MGAM2: variants seen among roughly 807,000 people sequenced by gnomAD.
MGAM2 encodes maltase-glucoamylase 2 (putative).
Under a neutral mutation model 96.1 loss-of-function variants are expected in MGAM2, and 98 were observed. That is an observed-to-expected ratio of 1.02 (90% CI 0.87 to 1.21). The LOEUF (loss-of-function observed/expected upper bound fraction) is 1.21. MGAM2 is among the 50% of genes most tolerant of loss of function. The pLI is 0.00. For synonymous variants in MGAM2, 749 were observed against 414.8 expected, an observed-to-expected ratio of 1.81 and a Z score of -9.79; for missense variants, 2,055 against 1,182.4, an observed-to-expected ratio of 1.74 and a Z score of -10.82.
chr7:142,154,742 T>C lies in MGAM2; in HGVS notation c.1820T>C (p.Ile607Thr). 1 of 703,250 alleles carries C rather than the reference T, an allele frequency of 1.4e-6. No homozygotes were observed. Among genetic ancestry groups the C allele is most frequent in the Non-Finnish European group, 2.6e-6 (1 of 385,016 alleles). 43.6% of individuals were successfully genotyped at this position (703,250 alleles called of 1,614,324 possible). A position where few individuals can be genotyped will look rare whatever the true frequency, so the allele number is the denominator to read the frequency against. Residue 607 changes from isoleucine to threonine, a missense_variant, in exon 17 of 48, where the codon ATC becomes ACC. Coordinates refer to ENST00000477922, the MANE Select transcript of MGAM2 (RefSeq NM_001293626.2). ...LFGIPMVGANICGYNNNVTEE... is the reference protein window; with the variant it reads ...LFGIPMVGANTCGYNNNVTEE... ...CTAATTCTCCAGGTAGGTGCCAACATCTGTGGTTATAACAACAATGTCACA... is the reference window on the plus strand; with the variant it reads ...CTAATTCTCCAGGTAGGTGCCAACACCTGTGGTTATAACAACAATGTCACA...
intron 3 of MGAM2, among the ~76,000 whole-genome samples, chr7:142,124,814 C>T (rs1361757218): frequency 6.6e-6 from 1 of 151,964 alleles, no homozygotes; most frequent in African/African-American, 2.4e-5. Flanking sequence ...TGATTCTATT[C>T]AAATCTTATT....
intron 46 of MGAM2, among the ~76,000 whole-genome samples, chr7:142,217,822 A>C (rs781644220): frequency 6.8e-4 from 103 of 152,214 alleles, no homozygotes; most frequent in Non-Finnish European, 1.1e-3. Context: ...GTGGTGGCTC[A>C]CACCTGTAAT....
intron 28 of MGAM2, among the ~76,000 whole-genome samples, chr7:142,171,650 A>ATC (rs1796194860): frequency 1.2e-5 from 1 of 84,594 alleles, no homozygotes; most frequent in African/African-American, 4.7e-5. Flanking sequence ...ATATATATAT[A>ATC]TATATCCACA....
intron 3 of MGAM2, among the ~76,000 whole-genome samples, chr7:142,127,432 G>A (rs1794760643): frequency 6.6e-6 from 1 of 151,524 alleles, no homozygotes; most frequent in South Asian, 2.1e-4. Context: ...CTCTTTGGTT[G>A]TTTTCTTTTG....
At position 142,171,408 on chromosome 7, in the gene MGAM2, T is replaced by C. The variant is rs1427393283; in HGVS notation, c.3319T>C (p.Trp1107Arg). The change falls in exon 28 of 48, where the codon TGG (tryptophan) becomes CGG (arginine). Residue 1107 changes from tryptophan (W) to arginine (R), a missense_variant. Trp to Arg is a moderately radical substitution (Grantham distance 101, BLOSUM62 -3). Coordinates refer to ENST00000477922, the MANE Select transcript of MGAM2 (RefSeq NM_001293626.2). ...TFRRNMNWNTWGMFAHDEPPA... is the reference protein window; with the variant it reads ...TFRRNMNWNTRGMFAHDEPPA... ...CAGAAGAAACATGAACTGGAACACA[T>C]GGGGAATGTTTGCTCATGATGAGCC... The C allele has an allele frequency of 1.4e-6, 1 of 702,928 alleles. No homozygotes were observed. The allele number at this position is 702,928 out of a possible 1,614,324, so 43.5% of individuals were successfully genotyped here.
intron 16 of MGAM2, among the ~76,000 whole-genome samples, 186 bp downstream of exon 16, chr7:142,154,375 G>A (rs1369588391): frequency 1.3e-5 from 2 of 152,198 alleles, no homozygotes; most frequent in Non-Finnish European, 2.9e-5. Flanking sequence ...TTATCACTGA[G>A]TTGTCATCCA....
At chr7:142,124,268 G>A (rs1794676005) in intron 3 of MGAM2, among the ~76,000 whole-genome samples, 1 of 151,952 alleles carries the variant, frequency 6.6e-6, no homozygotes, top group Non-Finnish European at 1.5e-5. Context: ...CACCACACCT[G>A]GCCCAGAAAC....
chr7:142,171,559 C>A, intron 28 of MGAM2, 119 bp downstream of exon 28: 1 of 529,178 alleles, frequency 1.9e-6, no homozygotes, highest in South Asian at 2.0e-5. Flanking sequence ...AAATTCCGCT[C>A]TCAGTTGTAA....
At chr7:142,140,722 G>T (rs1047125202) in intron 10 of MGAM2, 80 bp from the exon 11 acceptor site, 2 of 581,964 alleles carry the variant, frequency 3.4e-6, no homozygotes, top group Middle Eastern at 2.5e-4. Context: ...CATTTTCAAT[G>T]GTCAGGAACC....
chr7:142,205,873 C>T (rs1585217146), intron 45 of MGAM2, among the ~76,000 whole-genome samples: 2 of 152,098 alleles, frequency 1.3e-5, no homozygotes, highest in Admixed American at 1.3e-4. Context: ...ATTACAAAGT[C>T]CCAAGTATTT....
intron 32 of MGAM2, among the ~76,000 whole-genome samples, chr7:142,182,122 G>C (rs1423722533): frequency 6.6e-6 from 1 of 152,168 alleles, no homozygotes; most frequent in Non-Finnish European, 1.5e-5. Flanking sequence ...AGTGTTCTGA[G>C]AGTGGGGCTC....
rs549476567 is a variant in MGAM2, at chr7:142,196,320, G to A, written c.4480+33G>A. On this transcript the variant is annotated intron_variant, in intron 38 of 47. Transcript: ENST00000477922. ...GGCTCATTCCCAGGGGCCTGTGCTG[G>A]CAGGGAGGGCACTGGAGTTTGTGCT... The A allele has an allele frequency of 2.4e-5, 17 of 699,688 alleles. No homozygotes were observed. The East Asian group carries it at 3.5e-4, about 14-fold the overall frequency. 43.3% of individuals were successfully genotyped at this position (699,688 alleles called of 1,614,324 possible).
chr7:142,140,824 A>G lies in MGAM2; in HGVS notation c.1109A>G (p.Asp370Gly), dbSNP rs1250162870. The G allele has an allele frequency of 4.6e-5, 32 of 702,852 alleles. No individual in the cohort carries two copies. The highest frequency in any genetic ancestry group is 8.1e-5 in the Non-Finnish European group (31 of 384,974). The allele number at this position is 702,852 out of a possible 1,614,324, so 43.5% of individuals were successfully genotyped here. A position where few individuals can be genotyped will look rare whatever the true frequency, so the allele number is the denominator to read the frequency against. Residue 370 changes from aspartate to glycine, a missense_variant, in exon 11 of 48, where the codon GAC becomes GGC. Transcript: ENST00000477922. ...IPYDVQYSDIDYMDGKKDFTV... is the reference protein window; with the variant it reads ...IPYDVQYSDIGYMDGKKDFTV... The stretch of plus-strand genomic sequence containing the variant: ...CAGGATGTCCAGTACTCTGACATAG[A>G]CTACATGGATGGAAAGAAGGATTTC...
At chr7:142,127,207 G>A (rs1794755485) in intron 3 of MGAM2, among the ~76,000 whole-genome samples, 1 of 151,970 alleles carries the variant, frequency 6.6e-6, no homozygotes, top group Admixed American at 6.6e-5. Context: ...AGTGTCTTGG[G>A]TTGTACATTG....
chr7:142,196,841 G>A (rs1797057975), intron 40 of MGAM2, 25 bp downstream of exon 40: 1 of 763,292 alleles, frequency 1.3e-6, no homozygotes. Flanking sequence ...CGTGCTCCAG[G>A]TGTTGTGTAC....
rs1374134229 is a variant in MGAM2 at position 142,183,385 on chromosome 7, G to A, written c.3924+12G>A. ...TTGTCTGGGGAAAGGTAAGGCTTGG[G>A]GAAGATGCTTACAGTTAATTAACAT... is the stretch of plus-strand genomic sequence containing the variant. On this transcript the variant is annotated intron_variant, in intron 33 of 47. Transcript: ENST00000477922. 3 of 701,460 alleles carry A rather than the reference G, an allele frequency of 4.3e-6. No homozygotes were observed. The highest frequency in any genetic ancestry group is 7.8e-6 in the Non-Finnish European group (3 of 384,508). 43.5% of individuals were successfully genotyped at this position (701,460 alleles called of 1,614,324 possible). A position where few individuals can be genotyped will look rare whatever the true frequency, so the allele number is the denominator to read the frequency against.
intron 15 of MGAM2, among the ~76,000 whole-genome samples, chr7:142,149,549 T>C (rs980177296): frequency 2.7e-5 from 2 of 73,974 alleles, no homozygotes; most frequent in African/African-American, 9.9e-5. Flanking sequence ...GGATGTTTTG[T>C]TTTTTTTTTG....
intron 31 of MGAM2, among the ~76,000 whole-genome samples, chr7:142,174,239 G>A: frequency 6.6e-6 from 1 of 152,122 alleles, no homozygotes; most frequent in African/African-American, 2.4e-5. Flanking sequence ...AGATTAATGG[G>A]AATAACATTG....
chr7:142,165,605 A>C (rs1226460661), intron 24 of MGAM2, among the ~76,000 whole-genome samples: 2 of 152,178 alleles, frequency 1.3e-5, no homozygotes, highest in Non-Finnish European at 2.9e-5. Flanking sequence ...GTTAGGCAGA[A>C]TGGGGCTCCA....
Sources: allele counts gnomAD v4.1 joint callset (sites outside exome capture counted in the v4.1 genomes callset), GRCh38; gene constraint gnomAD v4.1.1; transcripts MANE v1.5; gene names NCBI Gene and HGNC (gene_info 2026-07-23, HGNC 2026-07-21).